The following OCLN variants were observed in gnomAD, a reference collection of about 807,000 sequenced individuals.
OCLN encodes the protein phosphatase 1, regulatory subunit 115.
Under a neutral mutation model 47.9 loss-of-function variants are expected in OCLN, and 21 were observed. That is an observed-to-expected ratio of 0.44 (90% CI 0.31 to 0.63). OCLN has a LOEUF of 0.63. Ranked by LOEUF, OCLN falls within the 30% of genes least tolerant of loss-of-function variation. OCLN has a pLI of 0.08. For missense variants in OCLN, 360 were observed against 571.0 expected, an observed-to-expected ratio of 0.63 and a Z score of 3.77; for synonymous variants, 117 against 198.4, an observed-to-expected ratio of 0.59 and a Z score of 3.45.
rs138453453 is a variant in OCLN, at chr5:69,495,572, A to C, written c.-69+2672A>C. ...ACTGCTGGATTGAAATCCCAACTCTAATAATTGACTGTTGGTTTTATTAAT... is the reference window on the plus strand; with the variant it reads ...ACTGCTGGATTGAAATCCCAACTCTCATAATTGACTGTTGGTTTTATTAAT... On this transcript the variant is annotated intron_variant, in intron 1 of 8. Coordinates refer to ENST00000396442, the MANE Select transcript of OCLN (RefSeq NM_001205254.2). 7.2e-5 allele frequency among the ~76,000 whole-genome samples: 11 copies of C among 152,346 alleles called. No homozygotes were observed. The East Asian group carries it at 2.1e-3, about 29-fold the overall frequency.
intron 3 of OCLN, among the ~76,000 whole-genome samples, chr5:69,513,168 C>T (rs1021738622): frequency 6.6e-6 from 1 of 152,132 alleles, no homozygotes; most frequent in African/African-American, 2.4e-5. Context: ...GGAAGGAGAG[C>T]CTCTTGTTCC....
At chr5:69,504,364 A>G in intron 2 of OCLN, 70 bp downstream of exon 2, 1 of 924,478 alleles carries the variant, frequency 1.1e-6, no homozygotes, top group Non-Finnish European at 1.8e-6. Flanking sequence ...GTATGGTTGA[A>G]ACTTTAAGTG....
chr5:69,505,384 T>C (rs145998889), intron 2 of OCLN, among the ~76,000 whole-genome samples: 108 of 152,336 alleles, frequency 7.1e-4, no homozygotes, highest in African/African-American at 2.5e-3. Flanking sequence ...TCACCACAAT[T>C]AATTTTAGAA....
At chr5:69,527,409 A>G (rs2112039177) in intron 4 of OCLN, among the ~76,000 whole-genome samples, 1 of 152,370 alleles carries the variant, frequency 6.6e-6, no homozygotes, top group South Asian at 2.1e-4. Flanking sequence ...GTCCAGTCAA[A>G]GCTGTATGGC....
chr5:69,500,963 C>T (rs867066469), intron 1 of OCLN, among the ~76,000 whole-genome samples: 15 of 151,952 alleles, frequency 9.9e-5, no homozygotes, highest in African/African-American at 3.6e-4. Context: ...CTGTCACCCA[C>T]GCTGGAGTGC....
At chr5:69,503,266 A>C (rs1346551698) in intron 1 of OCLN, among the ~76,000 whole-genome samples, 1 of 152,144 alleles carries the variant, frequency 6.6e-6, no homozygotes, top group Non-Finnish European at 1.5e-5. Context: ...TCTGGTTCAA[A>C]TCAAACTTAC....
chr5:69,533,911 C>T (rs746761559), intron 4 of OCLN, among the ~76,000 whole-genome samples: 1 of 152,228 alleles, frequency 6.6e-6, no homozygotes, highest in Non-Finnish European at 1.5e-5. Context: ...CCACCCGCCT[C>T]AGCCTCCCCA....
intron 4 of OCLN, among the ~76,000 whole-genome samples, chr5:69,520,927 A>G (rs1769120239): frequency 6.6e-6 from 1 of 152,088 alleles, no homozygotes. Flanking sequence ...AGCTCACTAC[A>G]ATCTCCACTT....
At chr5:69,548,471 G>T (rs1394840137) in intron 7 of OCLN, among the ~76,000 whole-genome samples, 3 of 150,014 alleles carry the variant, frequency 2.0e-5, no homozygotes, top group Non-Finnish European at 4.4e-5. Flanking sequence ...CTGCCACCAC[G>T]CCCGGCTAAT....
chr5:69,537,798 CA>C (rs1291282364), intron 5 of OCLN, among the ~76,000 whole-genome samples: 1 of 33,606 alleles, frequency 3.0e-5, no homozygotes, highest in Non-Finnish European at 5.7e-5. Flanking sequence ...CACACACACA[CA>C]AACCCAAAAC....
chr5:69,527,352 C>T (rs1208001656), intron 4 of OCLN, among the ~76,000 whole-genome samples: 3 of 152,156 alleles, frequency 2.0e-5, no homozygotes, highest in East Asian at 1.9e-4. Context: ...AACCATTCCA[C>T]GGCTGCTAGT....
chr5:69,509,858 G>A, intron 3 of OCLN, 39 bp downstream of exon 3: 1 of 1,451,846 alleles, frequency 6.9e-7, no homozygotes, highest in Non-Finnish European at 9.6e-7. Context: ...CATCTCCTTA[G>A]CAGAGGCCTT....
At chr5:69,515,867 G>A (rs1420767598) in intron 4 of OCLN, among the ~76,000 whole-genome samples, 2 of 151,232 alleles carry the variant, frequency 1.3e-5, no homozygotes, top group Non-Finnish European at 3.0e-5. Context: ...CGGGGTGGCG[G>A]GGCAGAGGCG....
At chr5:69,513,836 C>A in intron 3 of OCLN, 112 bp from the exon 4 acceptor site, 1 of 910,788 alleles carries the variant, frequency 1.1e-6, no homozygotes, top group Non-Finnish European at 1.8e-6. Flanking sequence ...AATTAAACCA[C>A]ATGGATTTAG....
chr5:69,514,799 T>G (rs971463409), intron 4 of OCLN, among the ~76,000 whole-genome samples: 1 of 152,230 alleles, frequency 6.6e-6, no homozygotes, highest in African/African-American at 2.4e-5. Flanking sequence ...CATTTAACCC[T>G]GAGTGGACAC....
chr5:69,533,179 T>C (rs1428414995), intron 4 of OCLN, among the ~76,000 whole-genome samples: 2 of 151,918 alleles, frequency 1.3e-5, no homozygotes, highest in African/African-American at 4.8e-5. Flanking sequence ...CTGTGCTTTT[T>C]ATGTTTAAAT....
intron 4 of OCLN, among the ~76,000 whole-genome samples, chr5:69,523,088 G>A (rs574903093): frequency 6.6e-6 from 1 of 151,818 alleles, no homozygotes; most frequent in Admixed American, 6.6e-5. Flanking sequence ...CACCACTAAT[G>A]GACCAATATT....
At chr5:69,504,660 G>A (rs1056770866) in intron 2 of OCLN, among the ~76,000 whole-genome samples, 3 of 152,216 alleles carry the variant, frequency 2.0e-5, no homozygotes, top group Non-Finnish European at 4.4e-5. Context: ...CTTTAGGCCG[G>A]GTGCGGTGGC....
At chr5:69,517,555 T>A (rs1162898014) in intron 4 of OCLN, among the ~76,000 whole-genome samples, 1 of 151,904 alleles carries the variant, frequency 6.6e-6, no homozygotes. Flanking sequence ...TCAAGTGATC[T>A]GCCTGCCTTG....
Sources: allele counts gnomAD v4.1 joint callset (sites outside exome capture counted in the v4.1 genomes callset), GRCh38; gene constraint gnomAD v4.1.1; transcripts MANE v1.5; gene names NCBI Gene and HGNC (gene_info 2026-07-23, HGNC 2026-07-21).